SENP7: variants seen among roughly 807,000 people sequenced by gnomAD.
SENP7 encodes the protein SUMO specific peptidase 7.
In SENP7, 64 loss-of-function variants were observed where a neutral mutation model predicts 141.2. The ratio of observed to expected loss-of-function variants is 0.45; its 90% CI spans 0.37 to 0.56. The LOEUF (loss-of-function observed/expected upper bound fraction) is 0.56, where lower values mean the gene tolerates loss of function less well. Among genes scored for constraint, SENP7 ranks in the 20% least tolerant of loss-of-function variants. The pLI is 0.00. For synonymous variants in SENP7, 382 were observed against 426.4 expected (o/e 0.90, Z 1.28); for missense variants, 1,025 against 1,212.2 (o/e 0.85, Z 2.29).
At chr3:101,462,002 G>T (rs1343054472) in intron 3 of SENP7, among the ~76,000 whole-genome samples, 1 of 152,184 alleles carries the variant, frequency 6.6e-6, no homozygotes, top group East Asian at 1.9e-4. Flanking sequence ...TCCAGGGGCT[G>T]GGAAGTTGGC....
chr3:101,454,490 A>G (rs1011149733), intron 4 of SENP7, among the ~76,000 whole-genome samples: 2 of 152,166 alleles, frequency 1.3e-5, no homozygotes, highest in African/African-American at 4.8e-5. Context: ...CAGCCTGGGC[A>G]ACAAAGTGAG....
At chr3:101,418,869 T>C (rs1269259686) in intron 4 of SENP7, among the ~76,000 whole-genome samples, 3 of 152,162 alleles carry the variant, frequency 2.0e-5, no homozygotes. Flanking sequence ...GACATCTCTA[T>C]GGATCAATAA....
chr3:101,343,870 T>G lies in SENP7; in HGVS notation c.1922A>C (p.Glu641Ala), dbSNP rs1466111060. Residue 641 changes from glutamate (E) to alanine (A), a missense_variant, in exon 14 of 24, where the codon GAA (glutamate) becomes GCA (alanine). Transcript: ENST00000394095. The part of the protein sequence containing the change: ...EELKLKDIMT[E>A]ISIISGELEL... ...TAATTCTCCACTGATTATACTTATTTCCGTCATAATATCTTTCAGCTTCAA... is the reference window on the plus strand; with the variant it reads ...TAATTCTCCACTGATTATACTTATTGCCGTCATAATATCTTTCAGCTTCAA... 6.2e-7 allele frequency: 1 copy of G among 1,613,342 alleles called. No individual in the cohort carries two copies. The highest frequency in any genetic ancestry group is 1.1e-5 in the South Asian group (1 of 91,042).
At chr3:101,479,632 C>A (rs1308539560) in intron 3 of SENP7, among the ~76,000 whole-genome samples, 2 of 150,592 alleles carry the variant, frequency 1.3e-5, no homozygotes, top group Non-Finnish European at 3.0e-5. Flanking sequence ...AGACTCAGAT[C>A]TCATATGCAG....
At chr3:101,455,595 T>C (rs2063324837) in intron 4 of SENP7, among the ~76,000 whole-genome samples, 1 of 152,076 alleles carries the variant, frequency 6.6e-6, no homozygotes, top group African/African-American at 2.4e-5. Context: ...TGTAAGCTCA[T>C]TGATAGTGAA....
intron 6 of SENP7, among the ~76,000 whole-genome samples, chr3:101,392,805 T>A (rs553258575): frequency 6.6e-6 from 1 of 152,322 alleles, no homozygotes; most frequent in East Asian, 1.9e-4. Context: ...AAAGCTATAG[T>A]AACCAAAACA....
At position 101,444,335 on chromosome 3, in the gene SENP7, G is replaced by A. The variant is rs889441962; in HGVS notation, c.284+14620C>T. Among the ~76,000 whole-genome samples, 8 of 151,756 alleles carry A rather than the reference G, an allele frequency of 5.3e-5. No homozygotes were observed. The East Asian group carries it at 7.8e-4, about 15-fold the overall frequency. Reference sequence around the variant, plus strand: ...CAACCACTGTGGAAGTCAGTGTGGCGATTTCTCAGGGATCTAGAACTAGAA... The same window carrying A: ...CAACCACTGTGGAAGTCAGTGTGGCAATTTCTCAGGGATCTAGAACTAGAA... On this transcript the variant is annotated intron_variant, in intron 4 of 23. Transcript: ENST00000394095.
intron 17 of SENP7, among the ~76,000 whole-genome samples, chr3:101,335,316 T>G (rs1477535071): frequency 6.6e-6 from 1 of 152,166 alleles, no homozygotes; most frequent in East Asian, 1.9e-4. Flanking sequence ...CTGTAGCTTC[T>G]CAACACTAGT....
In SENP7 at chr3:101,324,269, T is replaced by G. The variant is rs1379100090; in HGVS notation, c.*1674A>C. The G allele has an allele frequency of 6.6e-6, 1 of 152,100 alleles. No individual in the cohort carries two copies. Among genetic ancestry groups the G allele is most frequent in the Non-Finnish European group, 1.5e-5 (1 of 68,012 alleles). The allele number at this position is 152,100 out of a possible 1,614,324, so 9.4% of individuals were successfully genotyped here. On this transcript the variant is annotated 3_prime_UTR_variant, in exon 24 of 24. Coordinates refer to ENST00000394095, the MANE Select transcript of SENP7 (RefSeq NM_020654.5). ...GTTTCTTAAGGAAAAAAATTACACC[T>G]CAATTTAATGAATTGGAAATATGTT...
intron 4 of SENP7, among the ~76,000 whole-genome samples, chr3:101,447,418 C>T (rs920022378): frequency 4.9e-4 from 75 of 151,844 alleles, no homozygotes; most frequent in African/African-American, 1.2e-4. Flanking sequence ...CTCCAGTCCA[C>T]GCAACAGAAC....
chr3:101,324,337 A>G lies in SENP7; in HGVS notation c.*1606T>C, dbSNP rs1238260504. 6.6e-6 allele frequency: 1 copy of G among 152,130 alleles called. No individual in the cohort carries two copies. The allele number at this position is 152,130 out of a possible 1,614,324, so 9.4% of individuals were successfully genotyped here. On this transcript the variant is annotated 3_prime_UTR_variant, in exon 24 of 24. Transcript: ENST00000394095. ...ATCCTCAAAACATTACTTGCACATT[A>G]ATTTAGGAAAATGAATTTTAAACAA...
At chr3:101,490,110 G>A (rs965711401) in intron 3 of SENP7, among the ~76,000 whole-genome samples, 5 of 151,718 alleles carry the variant, frequency 3.3e-5, no homozygotes, top group African/African-American at 9.7e-5. Context: ...GCTTGAATCC[G>A]GGAGGCAGAG....
intron 4 of SENP7, among the ~76,000 whole-genome samples, chr3:101,421,243 T>A (rs2061783437): frequency 6.6e-6 from 1 of 152,140 alleles, no homozygotes; most frequent in Admixed American, 6.5e-5. Flanking sequence ...TATATATGTA[T>A]ATATGTGATG....
intron 15 of SENP7, among the ~76,000 whole-genome samples, chr3:101,341,107 C>T (rs971903735): frequency 1.8e-4 from 28 of 152,194 alleles, no homozygotes; most frequent in African/African-American, 6.7e-4. Context: ...TTTTCCTATC[C>T]TAGTCTTTCA....
At chr3:101,358,228 TAA>T in intron 11 of SENP7, 1 of 857,748 alleles carries the variant, frequency 1.2e-6, no homozygotes. Context: ...TCACTAAACA[TAA>T]GAGAACTCAT....
chr3:101,463,396 T>TATACATATATATATATATATATAC (rs1320861204), intron 3 of SENP7, among the ~76,000 whole-genome samples: 1 of 82,858 alleles, frequency 1.2e-5, no homozygotes, highest in Non-Finnish European at 2.3e-5. Context: ...TATATATATA[T>TATACATATATATATATATATATAC]ACATATATAT....
rs1471670708 is a variant in SENP7, at chr3:101,327,889, G to A, written c.2865-73C>T. The A allele has an allele frequency of 1.6e-5, 20 of 1,260,716 alleles. 1 individual carries two copies. Among genetic ancestry groups the A allele is most frequent in the East Asian group, 2.6e-5 (1 of 38,092 alleles). 78.1% of individuals were successfully genotyped at this position (1,260,716 alleles called of 1,614,324 possible). ...CAGTATGCAACATTTTCAGAAAGGC[G>A]GAAAAACATTTGTTGCCAGATGTGC... On this transcript the variant is annotated intron_variant, in intron 22 of 23. Coordinates refer to ENST00000394095, the MANE Select transcript of SENP7 (RefSeq NM_020654.5).
At chr3:101,382,019 T>G (rs1432889140) in intron 6 of SENP7, among the ~76,000 whole-genome samples, 1 of 152,196 alleles carries the variant, frequency 6.6e-6, no homozygotes, top group Admixed American at 6.5e-5. Flanking sequence ...TTTAAAAGCT[T>G]TGGGCTCCCT....
Position 101,351,901 on chromosome 3 carries a change from T to C in SENP7, c.1624-250A>G, listed in dbSNP as rs559821558. 2.6e-5 allele frequency among the ~76,000 whole-genome samples: 4 copies of C among 152,092 alleles called. No homozygotes were observed. The South Asian group carries it at 8.3e-4, about 31-fold the overall frequency. ...ACCAGTAAGACTAATAAATATATTT[T>C]TCAAAAATGTTTTCTGAAAATGTAA... On this transcript the variant is annotated intron_variant, in intron 11 of 23. Coordinates refer to ENST00000394095, the MANE Select transcript of SENP7 (RefSeq NM_020654.5).
Sources: allele counts gnomAD v4.1 joint callset (sites outside exome capture counted in the v4.1 genomes callset), GRCh38; gene constraint gnomAD v4.1.1; transcripts MANE v1.5; gene names NCBI Gene and HGNC (gene_info 2026-07-23, HGNC 2026-07-21).